Variants in TYR observed in about 807,000 individuals in gnomAD.
The protein encoded by TYR is LB24-AB.
A neutral mutation model predicts 51.5 loss-of-function variants in TYR; 58 were observed. The ratio of observed to expected loss-of-function variants is 1.13; its 90% confidence interval spans 0.91 to 1.40. The LOEUF (loss-of-function observed/expected upper bound fraction) is 1.40, where lower values mean the gene tolerates loss of function less well. TYR is among the 40% of genes most tolerant of loss of function. The pLI is 0.00. For synonymous variants in TYR, 263 were observed against 235.2 expected (o/e 1.12, Z -1.08); for missense variants, 732 against 647.4 (o/e 1.13, Z -1.42).
intron 2 of TYR, among the ~76,000 whole-genome samples, chr11:89,210,297 C>T (rs1205200806): frequency 6.6e-6 from 1 of 152,122 alleles, no homozygotes; most frequent in Non-Finnish European, 1.5e-5. Flanking sequence ...AGCTGAAAAC[C>T]ACAGTACGAG....
intron 3 of TYR, among the ~76,000 whole-genome samples, chr11:89,241,734 T>G (rs1944197201): frequency 1.4e-5 from 2 of 148,056 alleles, no homozygotes; most frequent in Non-Finnish European, 3.0e-5. Flanking sequence ...GATGTTAATA[T>G]AATTTAATAT....
intron 2 of TYR, among the ~76,000 whole-genome samples, chr11:89,204,397 AT>A (rs71472253): frequency 0.17 from 24,895 of 145,178 alleles, 2,419 homozygotes; most frequent in African/African-American, 0.28. Flanking sequence ...GAGATTATAC[AT>A]TTTTTTTTTT....
rs181866082 is a variant in TYR at position 89,276,083 on chromosome 11, T to C, written c.1185-8690T>C. Among the ~76,000 whole-genome samples, 81 of 152,048 alleles carry C rather than the reference T, an allele frequency of 5.3e-4. 1 individual carries two copies. Among genetic ancestry groups the C allele is most frequent in the African/African-American group, 1.9e-3 (78 of 41,538 alleles). On this transcript the variant is annotated intron_variant, in intron 3 of 4. Transcript: ENST00000263321. ...GGCACCTAATCTGTGTGCAAGGCAC[T>C]GAGAAACAAAAGATAAAAAGCTGTT... is the stretch of plus-strand genomic sequence containing the variant.
In TYR at chr11:89,234,360, A is replaced by G. The variant is rs577961437; in HGVS notation, c.1184+6390A>G. On this transcript the variant is annotated intron_variant, in intron 3 of 4. Coordinates refer to ENST00000263321, the MANE Select transcript of TYR (RefSeq NM_000372.5). ...TATCCAGACCACTAAAATTTTCTTCATATCAGCAGTAAGACTGTTTTTCTT... is the reference window on the plus strand; with the variant it reads ...TATCCAGACCACTAAAATTTTCTTCGTATCAGCAGTAAGACTGTTTTTCTT... 9.0e-5 allele frequency among the ~76,000 whole-genome samples: 13 copies of G among 143,826 alleles called. 3 individuals are homozygous for G. Among genetic ancestry groups the G allele is most frequent in the Admixed American group, 6.2e-4 (9 of 14,524 alleles). 94.4% of individuals were successfully genotyped at this position (143,826 alleles called of 152,430 possible).
In TYR at chr11:89,289,210, A is replaced by G. The variant is rs534591851; in HGVS notation, c.1366+4256A>G. Among the ~76,000 whole-genome samples the G allele has an allele frequency of 4.6e-5, 7 of 152,190 alleles. No homozygotes were observed. The East Asian group carries it at 7.8e-4, about 17-fold the overall frequency. ...GTTGAGAGCTTCCTTCTCCCCATAC[A>G]TTACAAAAGACCTGGAAATTTGGTT... On this transcript the variant is annotated intron_variant, in intron 4 of 4. Coordinates refer to ENST00000263321, the MANE Select transcript of TYR (RefSeq NM_000372.5).
chr11:89,263,061 C>T (rs1442112326), intron 3 of TYR, among the ~76,000 whole-genome samples: 1 of 151,482 alleles, frequency 6.6e-6, no homozygotes, highest in Non-Finnish European at 1.5e-5. Context: ...CAAGAGAAAA[C>T]TACAGAACAA....
At chr11:89,289,959 A>T (rs1172689769) in intron 4 of TYR, among the ~76,000 whole-genome samples, 1 of 152,042 alleles carries the variant, frequency 6.6e-6, no homozygotes, top group Non-Finnish European at 1.5e-5. Context: ...TATATGGTAG[A>T]CATTGTACCA....
At chr11:89,288,156 C>A (rs1383098171) in intron 4 of TYR, among the ~76,000 whole-genome samples, 1 of 151,826 alleles carries the variant, frequency 6.6e-6, no homozygotes, top group South Asian at 2.1e-4. Flanking sequence ...AACTCAAAAG[C>A]GGTGTCTGGC....
chr11:89,227,709 G>T, intron 2 of TYR, 114 bp from the exon 3 acceptor site: 1 of 914,514 alleles, frequency 1.1e-6, no homozygotes, highest in South Asian at 1.6e-5. Flanking sequence ...TTTTATTTTT[G>T]ATTTTATATT....
intron 2 of TYR, among the ~76,000 whole-genome samples, chr11:89,210,958 G>A (rs1277218694): frequency 1.3e-5 from 2 of 152,108 alleles, no homozygotes; most frequent in African/African-American, 2.4e-5. Flanking sequence ...AACTCCTGAA[G>A]GAAGCACTAA....
intron 3 of TYR, among the ~76,000 whole-genome samples, chr11:89,247,755 G>A (rs1257366537): frequency 2.6e-5 from 4 of 152,066 alleles, no homozygotes; most frequent in Non-Finnish European, 4.4e-5. Flanking sequence ...TCAACCTCTT[G>A]CCCTGCAGAT....
chr11:89,211,184 A>C (rs1943749679), intron 2 of TYR, among the ~76,000 whole-genome samples: 1 of 152,124 alleles, frequency 6.6e-6, no homozygotes, highest in Non-Finnish European at 1.5e-5. Flanking sequence ...GATAGTCAAG[A>C]CCCATCGATG....
At chr11:89,181,433 G>A (rs980692025) in intron 1 of TYR, among the ~76,000 whole-genome samples, 13 of 152,058 alleles carry the variant, frequency 8.5e-5, no homozygotes, top group African/African-American at 2.9e-4. Context: ...TTACAAAAAC[G>A]CATGTTCTGT....
At position 89,284,374 on chromosome 11, in the gene TYR, A is replaced by C. The variant is rs865820327; in HGVS notation, c.1185-399A>C. On this transcript the variant is annotated intron_variant, in intron 3 of 4. Transcript: ENST00000263321. ...CCCACCAGAACCAAAAAAATGACCA[A>C]ATTCTAGCACTGTTTCCAATTTAGT... is the stretch of plus-strand genomic sequence containing the variant. 1.3e-3 allele frequency among the ~76,000 whole-genome samples: 192 copies of C among 151,832 alleles called. 10 individuals carry two copies. Among genetic ancestry groups the C allele is most frequent in the Middle Eastern group, 6.8e-3 (2 of 294 alleles).
At chr11:89,279,998 T>C (rs907359124) in intron 3 of TYR, among the ~76,000 whole-genome samples, 3 of 151,694 alleles carry the variant, frequency 2.0e-5, no homozygotes, top group African/African-American at 7.2e-5. Context: ...TACAGACTCC[T>C]CTATATTTAT....
intron 3 of TYR, among the ~76,000 whole-genome samples, chr11:89,250,911 C>T (rs373596975): frequency 5.3e-5 from 8 of 151,706 alleles, no homozygotes; most frequent in Admixed American, 2.6e-4. Context: ...ACAGACTTGA[C>T]GTTGAAAATG....
chr11:89,241,764 T>A (rs1590873389), intron 3 of TYR, among the ~76,000 whole-genome samples: 1 of 147,994 alleles, frequency 6.8e-6, no homozygotes, highest in Non-Finnish European at 1.5e-5. Context: ...TTTTATATTA[T>A]ATATTACTAT....
intron 3 of TYR, among the ~76,000 whole-genome samples, chr11:89,269,194 T>C (rs1944560768): frequency 6.6e-6 from 1 of 151,944 alleles, no homozygotes; most frequent in South Asian, 2.1e-4. Flanking sequence ...AGTTTTGTTA[T>C]CACCACTTCA....
intron 3 of TYR, among the ~76,000 whole-genome samples, chr11:89,282,232 C>T (rs7112858): frequency 4.4e-4 from 67 of 151,858 alleles, no homozygotes; most frequent in African/African-American, 1.4e-3. Context: ...TAATTTTTCT[C>T]GATTGACAAA....
Sources: gnomAD v4.1 joint callset for allele counts (sites outside exome capture counted in the v4.1 genomes callset) on GRCh38, gnomAD v4.1.1 for gene constraint, MANE v1.5 for transcripts, NCBI Gene and HGNC (gene_info 2026-07-23, HGNC 2026-07-21) for gene names.